AGMO: variants seen among roughly 807,000 people sequenced by gnomAD.
AGMO encodes alkylglycerol monooxygenase, also known as glyceryl-ether monooxygenase.
Under a neutral mutation model 60.2 loss-of-function variants are expected in AGMO, and 75 were observed. The observed-to-expected ratio is 1.25, with a 90% CI of 1.03 to 1.51. The LOEUF is 1.51. AGMO is among the 40% of genes most tolerant of loss of function. AGMO has a pLI of 0.00. For synonymous variants in AGMO, 261 were observed against 177.1 expected, an observed-to-expected ratio of 1.47 and a Z score of -3.76; for missense variants, 763 against 525.5, an observed-to-expected ratio of 1.45 and a Z score of -4.42.
intron 10 of AGMO, among the ~76,000 whole-genome samples, chr7:15,372,714 G>A (rs564358951): frequency 4.6e-5 from 7 of 152,236 alleles, no homozygotes; most frequent in South Asian, 2.1e-4. Context: ...GAAATCACAC[G>A]TAGCTTATTA....
At chr7:15,332,303 C>T (rs1379991621) in intron 12 of AGMO, among the ~76,000 whole-genome samples, 3 of 152,048 alleles carry the variant, frequency 2.0e-5, no homozygotes, top group Non-Finnish European at 4.4e-5. Context: ...CTACTCTGTG[C>T]CTGGTTCTGG....
chr7:15,373,764 C>T (rs1264439494), intron 10 of AGMO, among the ~76,000 whole-genome samples: 1 of 152,048 alleles, frequency 6.6e-6, no homozygotes, highest in Non-Finnish European at 1.5e-5. Flanking sequence ...TAATTTTATT[C>T]TAAGGCTTTA....
intron 12 of AGMO, among the ~76,000 whole-genome samples, chr7:15,272,957 T>C (rs1329617629): frequency 6.6e-6 from 1 of 152,216 alleles, no homozygotes; most frequent in Non-Finnish European, 1.5e-5. Context: ...TCTGTTCATA[T>C]CCTTTGCCCA....
the AGMO span, among the ~76,000 whole-genome samples, chr7:15,168,754 A>AG: frequency 1.3e-5 from 2 of 152,238 alleles, no homozygotes; most frequent in African/African-American, 2.4e-5. Context: ...CACTCAATGC[A>AG]GTTTTTGGGG....
chr7:15,301,467 A>G (rs1784557674), intron 12 of AGMO, among the ~76,000 whole-genome samples: 1 of 152,054 alleles, frequency 6.6e-6, no homozygotes, highest in Non-Finnish European at 1.5e-5. Flanking sequence ...CAAATGCTGA[A>G]TATGTTCTCA....
chr7:15,385,503 T>G lies in AGMO; in HGVS notation c.1017A>C (p.Thr339=), dbSNP rs141075197. 401 of 1,613,222 alleles carry G rather than the reference T, an allele frequency of 2.5e-4. No homozygotes were observed. The highest frequency in any genetic ancestry group is 3.2e-4 in the Non-Finnish European group (382 of 1,179,502). ...SSSSQLLKIY[T]VVQFALMLAF... is the part of the protein sequence containing the mutation. ...CCAACATCAGAGCAAACTGTACAAC[T>G]GTATATATCTTTAATAGCTGAGATG... The change falls in exon 10 of 13, where the codon ACA becomes ACC. Residue 339 remains threonine (T), a synonymous_variant. Transcript: ENST00000342526.
At chr7:15,246,244 G>T (rs73279636) in intron 12 of AGMO, among the ~76,000 whole-genome samples, 1 of 151,920 alleles carries the variant, frequency 6.6e-6, no homozygotes, top group African/African-American at 2.4e-5. Context: ...ATAAATAAGC[G>T]TTTTTTCCAA....
In AGMO at chr7:15,510,851, A is replaced by G. The variant is rs1036636432; in HGVS notation, c.409+33921T>C. 9.4e-5 allele frequency among the ~76,000 whole-genome samples: 14 copies of G among 148,420 alleles called. No homozygotes were observed. The East Asian group carries it at 2.7e-3, about 29-fold the overall frequency. ...CTGATTAATATAAACAAGAGTTTATATTATAATATAATGTTAATGTTATAA... is the reference window on the plus strand; with the variant it reads ...CTGATTAATATAAACAAGAGTTTATGTTATAATATAATGTTAATGTTATAA... On this transcript the variant is annotated intron_variant, in intron 3 of 12. Coordinates refer to ENST00000342526, the MANE Select transcript of AGMO (RefSeq NM_001004320.2).
chr7:15,557,737 A>T (rs371750968), intron 2 of AGMO, among the ~76,000 whole-genome samples: 1 of 152,044 alleles, frequency 6.6e-6, no homozygotes, highest in African/African-American at 2.4e-5. Context: ...TCCTTGAAAA[A>T]CTTTTTAAAA....
At chr7:15,394,919 C>A (rs1583503220) in intron 5 of AGMO, among the ~76,000 whole-genome samples, 1 of 152,210 alleles carries the variant, frequency 6.6e-6, no homozygotes, top group East Asian at 1.9e-4. Flanking sequence ...ATATCTGGTG[C>A]CTAATTCTCA....
chr7:15,348,195 G>C lies in AGMO; in HGVS notation c.1263+17319C>G, dbSNP rs896302787. On this transcript the variant is annotated intron_variant, in intron 12 of 12. Coordinates refer to ENST00000342526, the MANE Select transcript of AGMO (RefSeq NM_001004320.2). Reference sequence around the variant, plus strand: ...TAGCACAGTCTCATGTTCTCCCAAAGGTCCATATCCTAATGAGTCAACTCC... The same window carrying C: ...TAGCACAGTCTCATGTTCTCCCAAACGTCCATATCCTAATGAGTCAACTCC... 2.0e-5 allele frequency among the ~76,000 whole-genome samples: 3 copies of C among 152,046 alleles called. No homozygotes were observed. In the East Asian group the frequency reaches 5.8e-4, roughly 29 times the overall value.
intron 3 of AGMO, among the ~76,000 whole-genome samples, chr7:15,465,458 T>C (rs1419200431): frequency 6.6e-6 from 1 of 151,078 alleles, no homozygotes; most frequent in Admixed American, 6.6e-5. Context: ...GATCTTGCTC[T>C]TTTGCCCAGG....
chr7:15,384,680 T>A (rs1261792268), intron 10 of AGMO, among the ~76,000 whole-genome samples: 1 of 152,112 alleles, frequency 6.6e-6, no homozygotes, highest in African/African-American at 2.4e-5. Context: ...AGCATTTTTT[T>A]AAACTCACCT....
intron 10 of AGMO, 32 bp from the exon 11 acceptor site, chr7:15,366,254 G>A (rs377234495): frequency 1.9e-5 from 29 of 1,529,588 alleles, no homozygotes; most frequent in African/African-American, 5.5e-5. Flanking sequence ...CAATGGAGCC[G>A]TTAGAAGAAT....
chr7:15,546,774 T>C lies in AGMO; in HGVS notation c.258-1851A>G, dbSNP rs148481490. 2.8e-3 allele frequency among the ~76,000 whole-genome samples: 431 copies of C among 152,316 alleles called. 3 individuals are homozygous for C. Among genetic ancestry groups the C allele is most frequent in the African/African-American group, 9.9e-3 (410 of 41,578 alleles). ...TTTTATGAAGGTATGCTAGTCAAAG[T>C]AGGCGGTGAGAACAAATTCTACTGT... is the stretch of plus-strand genomic sequence containing the variant. On this transcript the variant is annotated intron_variant, in intron 2 of 12. Coordinates refer to ENST00000342526, the MANE Select transcript of AGMO (RefSeq NM_001004320.2).
chr7:15,447,743 G>A (rs1781738751), intron 3 of AGMO, among the ~76,000 whole-genome samples: 1 of 151,846 alleles, frequency 6.6e-6, no homozygotes, highest in African/African-American at 2.4e-5. Flanking sequence ...AGTAGAGACA[G>A]GGTTTCGCCA....
chr7:15,255,599 A>T (rs1783073117), intron 12 of AGMO, among the ~76,000 whole-genome samples: 1 of 152,032 alleles, frequency 6.6e-6, no homozygotes, highest in Non-Finnish European at 1.5e-5. Context: ...ATGAACACAG[A>T]TGCCGGAATT....
intron 12 of AGMO, among the ~76,000 whole-genome samples, chr7:15,329,691 C>A (rs896011962): frequency 6.6e-6 from 1 of 152,118 alleles, no homozygotes; most frequent in Non-Finnish European, 1.5e-5. Context: ...TATGTTTAAT[C>A]CTCTCAAACC....
intron 5 of AGMO, among the ~76,000 whole-genome samples, chr7:15,395,331 T>G (rs918844640): frequency 6.6e-6 from 1 of 151,606 alleles, no homozygotes; most frequent in Non-Finnish European, 1.5e-5. Context: ...GAAATAGAGA[T>G]AAGACTGCTT....
Sources: gnomAD v4.1 joint callset for allele counts (sites outside exome capture counted in the v4.1 genomes callset) on GRCh38, gnomAD v4.1.1 for gene constraint, MANE v1.5 for transcripts, NCBI Gene and HGNC (gene_info 2026-07-23, HGNC 2026-07-21) for gene names.